The following TTLL10 variants were observed in gnomAD, a reference collection of about 807,000 sequenced individuals.
TTLL10 encodes tubulin tyrosine ligase like 10.
A neutral mutation model predicts 69.0 loss-of-function variants in TTLL10; 61 were observed. That is an observed-to-expected ratio of 0.88 (90% CI 0.72 to 1.09). The LOEUF is 1.09. Ranked by LOEUF, TTLL10 falls within the 50% of genes least tolerant of loss-of-function variation. The pLI is 0.00. For synonymous variants in TTLL10, 408 were observed against 393.3 expected, an observed-to-expected ratio of 1.04 and a Z score of -0.44; for missense variants, 962 against 945.9, an observed-to-expected ratio of 1.02 and a Z score of -0.22.
intron 13 of TTLL10, among the ~76,000 whole-genome samples, chr1:1,186,635 C>T (rs947090502): frequency 6.6e-5 from 10 of 152,136 alleles, no homozygotes; most frequent in South Asian, 2.1e-4. Context: ...CTCCAGATCT[C>T]GCCAACACTT....
rs1274185188 is a variant in TTLL10 at position 1,197,933 on chromosome 1, C to G, written c.*86C>G. On this transcript the variant is annotated 3_prime_UTR_variant, in exon 16 of 16. Coordinates refer to ENST00000379289, the MANE Select transcript of TTLL10 (RefSeq NM_001130045.2). ...GGGACCTATAAAGCCCACTTTGCTA[C>G]AAACACAGTCTCTGCAGCAGAGTCC... 3.1e-6 allele frequency: 4 copies of G among 1,305,560 alleles called. No homozygotes were observed. In the African/African-American group the frequency reaches 6.5e-5, roughly 21 times the overall value. 80.9% of individuals were successfully genotyped at this position (1,305,560 alleles called of 1,614,324 possible).
At chr1:1,197,248 C>A in intron 15 of TTLL10, 62 bp downstream of exon 15, 2 of 1,459,566 alleles carry the variant, frequency 1.4e-6, no homozygotes, top group Non-Finnish European at 1.9e-6. Context: ...TGCCTACCTG[C>A]CCTCTTCCCA....
At chr1:1,197,211 C>A (rs575836224) in intron 15 of TTLL10, 25 bp downstream of exon 15, 3 of 1,539,418 alleles carry the variant, frequency 1.9e-6, no homozygotes, top group South Asian at 2.4e-5. Context: ...CCCCACCCCA[C>A]ACCCCCACAA....
intron 13 of TTLL10, among the ~76,000 whole-genome samples, chr1:1,189,409 C>T (rs184158970): frequency 5.3e-5 from 8 of 152,238 alleles, no homozygotes; most frequent in Non-Finnish European, 1.2e-4. Context: ...TGTGTTGTAT[C>T]GCACTGATTA....
chr1:1,191,630 G>A (rs9730380), intron 13 of TTLL10, among the ~76,000 whole-genome samples: 16,550 of 152,172 alleles, frequency 0.11, 1,268 homozygotes, highest in African/African-American at 0.23. Flanking sequence ...ACCCTAACCC[G>A]GCGGCGCTAG....
intron 9 of TTLL10, 67 bp from the exon 10 acceptor site, chr1:1,182,294 C>G: frequency 2.7e-6 from 4 of 1,460,780 alleles, no homozygotes; most frequent in Non-Finnish European, 9.6e-7. Context: ...CAGGCTGGGC[C>G]TCAAACCGCC....
intron 13 of TTLL10, chr1:1,196,308 C>T (rs938974328): frequency 1.8e-5 from 7 of 384,778 alleles, no homozygotes; most frequent in Admixed American, 1.6e-4. Context: ...CGAGATTTTA[C>T]GTATCCCATT....
intron 4 of TTLL10, 149 bp downstream of exon 4, chr1:1,179,482 C>G (rs1646974207): frequency 5.5e-6 from 7 of 1,270,226 alleles, no homozygotes; most frequent in Non-Finnish European, 7.7e-6. Flanking sequence ...GAGAGAGGGG[C>G]CAGCTGTGGG....
intron 13 of TTLL10, among the ~76,000 whole-genome samples, chr1:1,194,022 G>A (rs943069887): frequency 9.9e-5 from 15 of 152,102 alleles, no homozygotes; most frequent in African/African-American, 3.6e-4. Flanking sequence ...GCATGGGAGT[G>A]TGCACCTGTA....
chr1:1,183,116 G>A, intron 11 of TTLL10, 69 bp downstream of exon 11: 1 of 1,495,466 alleles, frequency 6.7e-7, no homozygotes, highest in South Asian at 1.3e-5. Context: ...GGTGCAGTCA[G>A]CAGGGCCGCC....
intron 11 of TTLL10, among the ~76,000 whole-genome samples, chr1:1,183,302 AGGTGGCCTGGCCTG>A (rs1647137329): frequency 6.6e-6 from 1 of 152,146 alleles, no homozygotes; most frequent in South Asian, 2.1e-4. Context: ...TCTGTCCTGC[AGGTGGCCTGGCCTG>A]GGTGGCCTCC....
intron 13 of TTLL10, among the ~76,000 whole-genome samples, chr1:1,193,256 C>T (rs1432199415): frequency 1.3e-5 from 2 of 151,998 alleles, no homozygotes; most frequent in African/African-American, 4.8e-5. Flanking sequence ...ACCCAGGAGG[C>T]GGAGCTTGCA....
chr1:1,184,986 C>T lies in TTLL10; in HGVS notation c.1278C>T (p.Ser426=). 6.2e-7 allele frequency: 1 copy of T among 1,613,034 alleles called. No homozygotes were observed. The highest frequency in any genetic ancestry group is 8.5e-7 in the Non-Finnish European group (1 of 1,179,634). The change falls in exon 13 of 16, where the codon AGC becomes AGT. Residue 426 remains serine, a synonymous_variant. Transcript: ENST00000379289. ...HLTNQFMQKK[S]PLYMLLKEHT... ...GCCCCCAGTTCATGCAGAAGAAGAG[C>T]CCTCTGTACATGCTGCTGAAGGAGC...
In TTLL10 at chr1:1,197,657, G is replaced by A; in HGVS notation, c.1832G>A (p.Arg611Lys). 1 of 1,501,162 alleles carries A rather than the reference G, an allele frequency of 6.7e-7. No individual in the cohort carries two copies. Among genetic ancestry groups the A allele is most frequent in the Non-Finnish European group, 8.8e-7 (1 of 1,132,534 alleles). 93.0% of individuals were successfully genotyped at this position (1,501,162 alleles called of 1,614,324 possible). Residue 611 changes from arginine to lysine, a missense_variant, in exon 16 of 16, where the codon AGG (arginine) becomes AAG (lysine). Physicochemically the swap from Arg to Lys is conservative, Grantham distance 26. Coordinates refer to ENST00000379289, the MANE Select transcript of TTLL10 (RefSeq NM_001130045.2). ...GCCCCAGACCAGCCGGGCGCCCGCA[G>A]GCCTGCGCCACCTCCCTTGGTGCCG... ...PHAPDQPGAR[R>K]PAPPPLVPQR...
In TTLL10 at chr1:1,195,500, C is replaced by CTTTTTT. The variant is rs1168016636; in HGVS notation, c.1402-1087_1402-1082dup. Among the ~76,000 whole-genome samples the CTTTTTT allele has an allele frequency of 8.4e-3, 829 of 98,572 alleles. 31 individuals are homozygous for CTTTTTT. Among genetic ancestry groups the CTTTTTT allele is most frequent in the African/African-American group, 0.028 (673 of 23,960 alleles). 64.7% of individuals were successfully genotyped at this position (98,572 alleles called of 152,430 possible). ...TATTTGATAAGACATCATCGTCATA[C>CTTTTTT]TTTTTTTTTTTTTTTTTTAGTTTTA... On this transcript the variant is annotated intron_variant, in intron 13 of 15. Coordinates refer to ENST00000379289, the MANE Select transcript of TTLL10 (RefSeq NM_001130045.2).
intron 13 of TTLL10, among the ~76,000 whole-genome samples, chr1:1,195,940 C>A (rs1465680485): frequency 5.3e-5 from 8 of 151,818 alleles, no homozygotes; most frequent in African/African-American, 1.7e-4. Flanking sequence ...CGCGCCCGAC[C>A]AACTTGTGTA....
intron 3 of TTLL10, 88 bp from the exon 4 acceptor site, chr1:1,179,100 TG>T: frequency 1.2e-6 from 1 of 861,940 alleles, no homozygotes; most frequent in Non-Finnish European, 1.8e-6. Context: ...CTGGGCAGGG[TG>T]GGCCTGACTG....
rs926983699 is a variant in TTLL10, at chr1:1,181,762, G to A, written c.777G>A (p.Ala259=). Residue 259 remains alanine (A), a synonymous_variant, in exon 9 of 16, where the codon GCG becomes GCA. Transcript: ENST00000379289. The surrounding 1 kb of genome is among the most constrained non-coding windows in gnomAD (Gnocchi z 4.6). The part of the protein sequence containing the change: ...VQARLEKDAA[A]PALEDLPWTS... ...GCAGGCTGGAAAAGGACGCAGCAGC[G>A]CCCGCCCTGGAGGACCTCCCGTGGA... 10 of 1,606,834 alleles carry A rather than the reference G, an allele frequency of 6.2e-6. No individual in the cohort carries two copies. Among genetic ancestry groups the A allele is most frequent in the South Asian group, 2.2e-5 (2 of 89,352 alleles).
rs747810986 is a variant in TTLL10 at position 1,196,641 on chromosome 1, C to A, written c.1443C>A (p.Ala481=). Residue 481 remains alanine, a synonymous_variant, in exon 14 of 16, where the codon GCC becomes GCA. Coordinates refer to ENST00000379289, the MANE Select transcript of TTLL10 (RefSeq NM_001130045.2). The part of the protein sequence containing the change: ...QQIMAHCFLA[A]KPKLDCKLGY... ...TCATGGCCCACTGCTTTCTGGCCGC[C>A]AAGCCCAAGCTGGACTGCAAGCTGG... 6.4e-7 allele frequency: 1 copy of A among 1,551,886 alleles called. No homozygotes were observed. Among genetic ancestry groups the A allele is most frequent in the African/African-American group, 1.4e-5 (1 of 73,158 alleles).
Sources: allele counts gnomAD v4.1 joint callset (sites outside exome capture counted in the v4.1 genomes callset), GRCh38; gene constraint gnomAD v4.1.1; non-coding constraint Gnocchi (gnomAD v3.1); transcripts MANE v1.5; gene names NCBI Gene and HGNC (gene_info 2026-07-23, HGNC 2026-07-21).